Variants in LDB2 observed in about 807,000 individuals in gnomAD.
The protein encoded by LDB2 is LIM domain-binding protein 2.
In LDB2, 12 loss-of-function variants were observed where a neutral mutation model predicts 44.3. The ratio of observed to expected loss-of-function variants is 0.27; its 90% CI spans 0.17 to 0.44. LDB2 has a LOEUF of 0.44. Among genes scored for constraint, LDB2 ranks in the 20% least tolerant of loss-of-function variants. The pLI, the probability that LDB2 is intolerant of heterozygous loss-of-function variation, is 1.00. For synonymous variants in LDB2, 164 were observed against 174.8 expected, an observed-to-expected ratio of 0.94 and a Z score of 0.49; for missense variants, 344 against 473.5, an observed-to-expected ratio of 0.73 and a Z score of 2.54.
At chr4:16,759,010 G>T in intron 2 of LDB2, 148 bp downstream of exon 2, 1 of 576,046 alleles carries the variant, frequency 1.7e-6, no homozygotes. Context: ...GCCACCCAGT[G>T]ACAATGACTC....
rs147763569 is a variant in LDB2 at position 16,515,520 on chromosome 4, A to G, written c.616-3416T>C. Reference sequence around the variant, plus strand: ...CCAAGCCATCAGTGCTCACCAGACCAAAAGGAGTGAAAGATTCCACAGTCA... The same window carrying G: ...CCAAGCCATCAGTGCTCACCAGACCGAAAGGAGTGAAAGATTCCACAGTCA... On this transcript the variant is annotated intron_variant, in intron 5 of 7. Coordinates refer to ENST00000304523, the MANE Select transcript of LDB2 (RefSeq NM_001290.5). Among the ~76,000 whole-genome samples the G allele has an allele frequency of 5.5e-3, 844 of 152,364 alleles. 8 individuals are homozygous for G. The highest frequency in any genetic ancestry group is 0.019 in the African/African-American group (775 of 41,584).
chr4:16,614,123 A>C lies in LDB2; in HGVS notation c.236-18248T>G, dbSNP rs767878816. 5.3e-5 allele frequency among the ~76,000 whole-genome samples: 8 copies of C among 152,158 alleles called. 1 individual carries two copies. Among genetic ancestry groups the C allele is most frequent in the Admixed American group, 3.3e-4 (5 of 15,280 alleles). ...CTCAGAAATAACACCACACATATAC[A>C]ATCATCTGATCTTTGAAAAGCCTGC... On this transcript the variant is annotated intron_variant, in intron 2 of 7. Transcript: ENST00000304523.
intron 2 of LDB2, among the ~76,000 whole-genome samples, chr4:16,733,429 T>C (rs1761175740): frequency 6.6e-6 from 1 of 152,018 alleles, no homozygotes. Context: ...TGATTCCTGA[T>C]TTGGTCTGAA....
chr4:16,543,454 C>T (rs1228367663), intron 5 of LDB2, among the ~76,000 whole-genome samples: 8 of 152,136 alleles, frequency 5.3e-5, no homozygotes, highest in East Asian at 1.9e-4. Context: ...GACTTTTTAA[C>T]GATCGCCATT....
At position 16,839,853 on chromosome 4, in the gene LDB2, G is replaced by A. The variant is rs543299287; in HGVS notation, c.132+58501C>T. ...CCTTTGATTTGTAGATGAGGAAACT[G>A]CTCTGAGTCTGAATCCAAGTCTTTA... On this transcript the variant is annotated intron_variant, in intron 1 of 7. Transcript: ENST00000304523. Among the ~76,000 whole-genome samples the A allele has an allele frequency of 5.8e-4, 89 of 152,234 alleles. 1 individual carries two copies. Among genetic ancestry groups the A allele is most frequent in the African/African-American group, 2.0e-3 (84 of 41,544 alleles).
intron 1 of LDB2, among the ~76,000 whole-genome samples, chr4:16,789,517 T>C (rs1775236799): frequency 6.6e-6 from 1 of 152,224 alleles, no homozygotes; most frequent in African/African-American, 2.4e-5. Flanking sequence ...GATTTAGTTT[T>C]TCATTGGCAG....
At chr4:16,810,989 T>G (rs1369637841) in intron 1 of LDB2, among the ~76,000 whole-genome samples, 3 of 152,210 alleles carry the variant, frequency 2.0e-5, no homozygotes, top group Non-Finnish European at 2.9e-5. Context: ...AGGGTGAAAC[T>G]GTTCCACCTC....
chr4:16,865,062 C>A (rs1040133687), intron 1 of LDB2, among the ~76,000 whole-genome samples: 2 of 152,008 alleles, frequency 1.3e-5, no homozygotes, highest in African/African-American at 4.8e-5. Flanking sequence ...ACCCACCTGG[C>A]CAACATGGTG....
intron 5 of LDB2, among the ~76,000 whole-genome samples, chr4:16,571,443 G>A (rs1047183076): frequency 7.3e-6 from 1 of 136,124 alleles, no homozygotes; most frequent in Non-Finnish European, 1.7e-5. Context: ...TGCATCTGTG[G>A]GCAATTCGGC....
chr4:16,789,088 T>TG (rs1775138128), intron 1 of LDB2, among the ~76,000 whole-genome samples: 1 of 152,028 alleles, frequency 6.6e-6, no homozygotes. Flanking sequence ...ACACACTGGT[T>TG]GGGGGAGGGG....
intron 2 of LDB2, among the ~76,000 whole-genome samples, chr4:16,707,354 A>C (rs556385089): frequency 6.6e-6 from 1 of 152,304 alleles, no homozygotes; most frequent in Admixed American, 6.5e-5. Context: ...TTAGAGCACA[A>C]AATTAAAGGA....
intron 2 of LDB2, among the ~76,000 whole-genome samples, chr4:16,678,676 A>G (rs187204607): frequency 7.9e-4 from 121 of 152,312 alleles, no homozygotes; most frequent in African/African-American, 2.8e-3. Flanking sequence ...TTGGGAGAGA[A>G]CTGTCTGCAG....
intron 2 of LDB2, among the ~76,000 whole-genome samples, chr4:16,734,710 T>C (rs1217182325): frequency 1.1e-4 from 6 of 56,810 alleles, no homozygotes; most frequent in Non-Finnish European, 1.8e-4. Context: ...TTTCTTTTTT[T>C]TTTTTTTTTT....
intron 2 of LDB2, among the ~76,000 whole-genome samples, chr4:16,618,961 C>T (rs1377654285): frequency 1.3e-5 from 2 of 152,140 alleles, no homozygotes; most frequent in African/African-American, 4.8e-5. Flanking sequence ...TCAGTCTCTT[C>T]CTCCTGCTCC....
chr4:16,704,276 A>T (rs2152641390), intron 2 of LDB2, among the ~76,000 whole-genome samples: 1 of 152,272 alleles, frequency 6.6e-6, no homozygotes, highest in South Asian at 2.1e-4. Flanking sequence ...CTTCCACTAG[A>T]TTCCCTTTTG....
At position 16,502,204 on chromosome 4, in the gene LDB2, A is replaced by G. The variant is rs1717694515; in HGVS notation, c.*439T>C. 1 of 155,020 alleles carries G rather than the reference A, an allele frequency of 6.5e-6. No homozygotes were observed. Among genetic ancestry groups the G allele is most frequent in the South Asian group, 2.0e-4 (1 of 4,896 alleles). The allele number at this position is 155,020 out of a possible 1,614,324, so 9.6% of individuals were successfully genotyped here. ...CTGAAACAAGAAACTCTCAGATGCA[A>G]GTCAAAAAGCAGAAAATATTTTACA... On this transcript the variant is annotated 3_prime_UTR_variant, in exon 8 of 8. Coordinates refer to ENST00000304523, the MANE Select transcript of LDB2 (RefSeq NM_001290.5).
chr4:16,590,344 G>T (rs1228875137), intron 3 of LDB2, among the ~76,000 whole-genome samples: 2 of 152,084 alleles, frequency 1.3e-5, no homozygotes, highest in Non-Finnish European at 2.9e-5. Context: ...ACAAATAAAT[G>T]AATAAGTAAA....
intron 2 of LDB2, among the ~76,000 whole-genome samples, chr4:16,620,973 T>A (rs1479989149): frequency 6.6e-6 from 1 of 152,252 alleles, no homozygotes; most frequent in African/African-American, 2.4e-5. Flanking sequence ...CGGTGTCCTT[T>A]GTTGGAATCT....
intron 2 of LDB2, among the ~76,000 whole-genome samples, chr4:16,686,843 C>T (rs1749370571): frequency 6.6e-6 from 1 of 152,270 alleles, no homozygotes; most frequent in African/African-American, 2.4e-5. Flanking sequence ...GTTTTTAATG[C>T]ATATCCTTGC....
Sources: allele counts gnomAD v4.1 joint callset (sites outside exome capture counted in the v4.1 genomes callset), GRCh38; gene constraint gnomAD v4.1.1; transcripts MANE v1.5; gene names NCBI Gene and HGNC (gene_info 2026-07-23, HGNC 2026-07-21).